Variants in PLVAP observed in about 807,000 individuals in gnomAD.
The protein encoded by PLVAP is plasmalemma vesicle associated protein, also known as plasmalemma vesicle-associated protein.
Under a neutral mutation model 43.1 loss-of-function variants are expected in PLVAP, and 34 were observed. The ratio of observed to expected loss-of-function variants is 0.79; its 90% CI spans 0.60 to 1.05. The LOEUF (loss-of-function observed/expected upper bound fraction) is 1.05, where lower values mean the gene tolerates loss of function less well. Among genes scored for constraint, PLVAP ranks in the 50% least tolerant of loss-of-function variants. The pLI is 0.00. For missense variants in PLVAP, 574 were observed against 593.4 expected (o/e 0.97, Z 0.34); for synonymous variants, 241 against 237.3 (o/e 1.02, Z -0.14).
At chr19:17,374,337 C>T (rs528896508) in intron 1 of PLVAP, among the ~76,000 whole-genome samples, 8 of 152,006 alleles carry the variant, frequency 5.3e-5, no homozygotes, top group Middle Eastern at 3.4e-3. Flanking sequence ...TGACGGCGGG[C>T]GCCTGTAGTC....
chr19:17,375,753 C>T (rs996169940), intron 1 of PLVAP, among the ~76,000 whole-genome samples: 3 of 152,100 alleles, frequency 2.0e-5, no homozygotes, highest in Admixed American at 1.3e-4. Context: ...TGGTTGCACA[C>T]GCCTGTAATC....
chr19:17,370,032 A>G (rs901737629), intron 1 of PLVAP, among the ~76,000 whole-genome samples: 8 of 149,630 alleles, frequency 5.3e-5, no homozygotes, highest in African/African-American at 1.7e-4. Flanking sequence ...AAAAAGAAAG[A>G]TATTCAAAAT....
intron 5 of PLVAP, among the ~76,000 whole-genome samples, chr19:17,359,693 C>CCTTTTT (rs751070337): frequency 2.6e-5 from 3 of 116,154 alleles, no homozygotes; most frequent in South Asian, 5.9e-4. Flanking sequence ...TACCCGGCCT[C>CCTTTTT]TTTTTTTTTT....
intron 4 of PLVAP, 64 bp from the exon 5 acceptor site, chr19:17,360,673 A>T: frequency 6.3e-7 from 1 of 1,580,332 alleles, no homozygotes; most frequent in Non-Finnish European, 8.7e-7. Context: ...TGGGCTAGGG[A>T]TGGGCTGGCA....
chr19:17,361,924 A>C (rs1459179171), intron 3 of PLVAP, among the ~76,000 whole-genome samples: 2 of 32,112 alleles, frequency 6.2e-5, no homozygotes, highest in East Asian at 1.4e-3. Context: ...AAAAAAAAAT[A>C]AAAAAAAAAA....
intron 1 of PLVAP, among the ~76,000 whole-genome samples, chr19:17,369,927 C>T (rs1044207336): frequency 4.2e-5 from 6 of 143,258 alleles, no homozygotes; most frequent in Admixed American, 2.2e-4. Context: ...TGCTTGAACC[C>T]GGGAGATGGA....
At chr19:17,360,918 T>TTC in intron 3 of PLVAP, 86 bp from the exon 4 acceptor site, 1 of 1,078,604 alleles carries the variant, frequency 9.3e-7, no homozygotes, top group Non-Finnish European at 1.3e-6. Context: ...CTTTTTCTTT[T>TTC]TTTTTTTTTT....
chr19:17,375,276 G>C (rs764648544), intron 1 of PLVAP, among the ~76,000 whole-genome samples: 1 of 152,078 alleles, frequency 6.6e-6, no homozygotes, highest in African/African-American at 2.4e-5. Context: ...CTTATTTGCA[G>C]CTTGTGTGTG....
chr19:17,366,411 A>G (rs2074550367), intron 1 of PLVAP, among the ~76,000 whole-genome samples: 1 of 152,218 alleles, frequency 6.6e-6, no homozygotes, highest in African/African-American at 2.4e-5. Flanking sequence ...CGAGCCCAAG[A>G]GTTTGAGACC....
chr19:17,357,640 G>C (rs1357375265), intron 5 of PLVAP, among the ~76,000 whole-genome samples: 1 of 152,070 alleles, frequency 6.6e-6, no homozygotes, highest in East Asian at 1.9e-4. Context: ...CTCCAGCCTG[G>C]GTGACAGAGC....
At chr19:17,360,504 AC>A in intron 5 of PLVAP, 23 bp downstream of exon 5, 1 of 1,605,674 alleles carries the variant, frequency 6.2e-7, no homozygotes, top group Non-Finnish European at 8.5e-7. Context: ...AGACTGAACA[AC>A]TGCAGTCTGC....
intron 1 of PLVAP, among the ~76,000 whole-genome samples, chr19:17,375,077 C>T (rs1193939554): frequency 2.0e-5 from 3 of 152,160 alleles, no homozygotes; most frequent in Non-Finnish European, 4.4e-5. Context: ...CCACCTTGGC[C>T]TCTCACAGTG....
chr19:17,366,989 C>T (rs1255693024), intron 1 of PLVAP, among the ~76,000 whole-genome samples: 5 of 144,300 alleles, frequency 3.5e-5, no homozygotes, highest in Admixed American at 2.9e-4. Flanking sequence ...GTCACCCAGG[C>T]TGGAGTGCAG....
intron 1 of PLVAP, among the ~76,000 whole-genome samples, chr19:17,374,899 A>G (rs1261539088): frequency 1.3e-5 from 2 of 148,438 alleles, no homozygotes; most frequent in East Asian, 4.0e-4. Context: ...GCTCACTGCA[A>G]TCTCTGCCTC....
chr19:17,354,015 C>T (rs1239591511), intron 5 of PLVAP, among the ~76,000 whole-genome samples: 3 of 152,166 alleles, frequency 2.0e-5, no homozygotes, highest in Admixed American at 6.5e-5. Context: ...TACGGCCGGG[C>T]GCGGTGGCTC....
At position 17,352,257 on chromosome 19, in the gene PLVAP, TG is replaced by T; in HGVS notation, c.*104del. 2.8e-6 allele frequency: 3 copies of T among 1,074,200 alleles called. No individual in the cohort carries two copies. The highest frequency in any genetic ancestry group is 3.6e-6 in the Non-Finnish European group (3 of 842,960). 66.5% of individuals were successfully genotyped at this position (1,074,200 alleles called of 1,614,324 possible). On this transcript the variant is annotated 3_prime_UTR_variant, in exon 6 of 6. Coordinates refer to ENST00000252590, the MANE Select transcript of PLVAP (RefSeq NM_031310.3). ...TTGTCTGATGGTGGCCCTGGGTGGTTGGGGGCGGCGGGAGGGGGTTGTGTCG... is the reference window on the plus strand; with the variant it reads ...TTGTCTGATGGTGGCCCTGGGTGGTTGGGGCGGCGGGAGGGGGTTGTGTCG...
intron 5 of PLVAP, among the ~76,000 whole-genome samples, chr19:17,355,659 C>T (rs369578809): frequency 1.1e-4 from 17 of 152,084 alleles, no homozygotes; most frequent in South Asian, 2.1e-4. Context: ...CTTAGCCTCC[C>T]GAGTAGCTGG....
chr19:17,376,885 G>C, intron 1 of PLVAP, 35 bp downstream of exon 1: 1 of 1,582,150 alleles, frequency 6.3e-7, no homozygotes, highest in African/African-American at 1.3e-5. Flanking sequence ...GCTTGCTCAG[G>C]GTCCCCAGGG....
intron 1 of PLVAP, among the ~76,000 whole-genome samples, chr19:17,373,496 C>G (rs2074582848): frequency 6.6e-6 from 1 of 152,024 alleles, no homozygotes; most frequent in African/African-American, 2.4e-5. Context: ...TATGGGAGGT[C>G]TGTCTTTGCC....
Sources: gnomAD v4.1 joint callset for allele counts (sites outside exome capture counted in the v4.1 genomes callset) on GRCh38, gnomAD v4.1.1 for gene constraint, MANE v1.5 for transcripts, NCBI Gene and HGNC (gene_info 2026-07-23, HGNC 2026-07-21) for gene names.